The following TRHDE variants were observed in gnomAD, a reference collection of about 807,000 sequenced individuals.
TRHDE encodes thyrotropin-releasing hormone-degrading ectoenzyme.
TRHDE carries 72 observed loss-of-function variants against 125.7 expected under a neutral mutation model. The ratio of observed to expected loss-of-function variants is 0.57; its 90% CI spans 0.47 to 0.70. The LOEUF (loss-of-function observed/expected upper bound fraction) is 0.70. TRHDE is among the 30% of genes least tolerant of loss of function. TRHDE has a pLI of 0.00. For synonymous variants in TRHDE, 509 were observed against 509.1 expected, an observed-to-expected ratio of 1.00 and a Z score of 0.00; for missense variants, 1,110 against 1,327.1, an observed-to-expected ratio of 0.84 and a Z score of 2.54.
At chr12:72,489,201 TAA>T (rs1877546715) in intron 5 of TRHDE, among the ~76,000 whole-genome samples, 1 of 146,188 alleles carries the variant, frequency 6.8e-6, no homozygotes, top group Non-Finnish European at 1.5e-5. Context: ...AAAAAATCAA[TAA>T]GACTTAGAGA....
chr12:72,385,938 C>T (rs1022084635), intron 3 of TRHDE, among the ~76,000 whole-genome samples: 2 of 152,136 alleles, frequency 1.3e-5, no homozygotes, highest in Non-Finnish European at 2.9e-5. Context: ...TAATGCAATA[C>T]AAACCAACAT....
At chr12:72,242,698 C>T (rs1310694057) in intron 2 of TRHDE, among the ~76,000 whole-genome samples, 2 of 152,128 alleles carry the variant, frequency 1.3e-5, no homozygotes, top group African/African-American at 4.8e-5. Context: ...AAAAAGATAA[C>T]TCACTGCTGG....
chr12:72,652,028 T>G (rs1343207194), intron 15 of TRHDE, among the ~76,000 whole-genome samples: 3 of 152,002 alleles, frequency 2.0e-5, no homozygotes, highest in African/African-American at 7.2e-5. Flanking sequence ...ATAAAGTGCC[T>G]TATTTTCATG....
chr12:72,229,727 C>T (rs114940700), intron 2 of TRHDE, among the ~76,000 whole-genome samples: 2,015 of 152,090 alleles, frequency 0.013, 46 homozygotes, highest in African/African-American at 0.046. Context: ...CTATTTATAC[C>T]GATACATAGC....
At chr12:72,255,043 A>G (rs569005204) in intron 2 of TRHDE, 8 of 152,362 alleles carry the variant, frequency 5.3e-5, no homozygotes, top group African/African-American at 1.7e-4. Context: ...GAGACTGTTC[A>G]TGTGAAGGTC....
At chr12:72,657,974 C>T (rs1874772989) in intron 18 of TRHDE, among the ~76,000 whole-genome samples, 1 of 152,122 alleles carries the variant, frequency 6.6e-6, no homozygotes, top group Non-Finnish European at 1.5e-5. Context: ...GAGCACCATT[C>T]CCTAGAAGCA....
At chr12:72,626,912 C>A (rs372353963) in intron 15 of TRHDE, among the ~76,000 whole-genome samples, 1 of 151,836 alleles carries the variant, frequency 6.6e-6, no homozygotes, top group East Asian at 1.9e-4. Flanking sequence ...TTGGTGTGGT[C>A]CTATTTCCTC....
chr12:72,403,365 A>G (rs1469566516), intron 3 of TRHDE, among the ~76,000 whole-genome samples: 1 of 152,168 alleles, frequency 6.6e-6, no homozygotes, highest in Non-Finnish European at 1.5e-5. Flanking sequence ...AATCAGACTA[A>G]ATTATTTTGT....
chr12:72,166,850 C>G (rs1436070799), intron 2 of TRHDE, among the ~76,000 whole-genome samples: 1 of 151,386 alleles, frequency 6.6e-6, no homozygotes, highest in Non-Finnish European at 1.5e-5. Flanking sequence ...GCAGAACATA[C>G]AGTGATAAAT....
At chr12:72,594,437 C>T (rs573475447) in intron 12 of TRHDE, among the ~76,000 whole-genome samples, 8 of 150,856 alleles carry the variant, frequency 5.3e-5, no homozygotes, top group East Asian at 2.0e-4. Context: ...AGGCTGGTCT[C>T]GAACTCCCGG....
intron 2 of TRHDE, among the ~76,000 whole-genome samples, chr12:72,150,656 T>G (rs1332586622): frequency 6.6e-6 from 1 of 150,998 alleles, no homozygotes; most frequent in Non-Finnish European, 1.5e-5. Flanking sequence ...GTGTTTGGTT[T>G]TTTGTCCTTG....
upstream of TRHDE, among the ~76,000 whole-genome samples, chr12:72,270,170 G>A (rs1487522176): frequency 1.3e-5 from 2 of 152,150 alleles, no homozygotes; most frequent in African/African-American, 4.8e-5. Flanking sequence ...AATGCATACA[G>A]CCAGATACAT....
chr12:72,516,079 A>T (rs967390770), intron 6 of TRHDE, among the ~76,000 whole-genome samples: 2 of 151,864 alleles, frequency 1.3e-5, no homozygotes, highest in Non-Finnish European at 2.9e-5. Context: ...AGGTAGCGTG[A>T]TGCCTCCAGC....
intron 1 of TRHDE, among the ~76,000 whole-genome samples, chr12:72,092,551 C>T (rs1412730878): frequency 1.3e-5 from 2 of 152,248 alleles, no homozygotes; most frequent in East Asian, 3.9e-4. Context: ...GAAGCAAAAG[C>T]GACTATAGCA....
intron 2 of TRHDE, among the ~76,000 whole-genome samples, chr12:72,178,620 TATC>T (rs752344293): frequency 6.6e-6 from 1 of 152,094 alleles, no homozygotes; most frequent in East Asian, 1.9e-4. Context: ...TAGAGGTAGT[TATC>T]ATGCTGAGTG....
At chr12:72,213,554 G>C (rs1436714071) in intron 2 of TRHDE, among the ~76,000 whole-genome samples, 1 of 152,078 alleles carries the variant, frequency 6.6e-6, no homozygotes, top group East Asian at 1.9e-4. Context: ...AGCTAGAACA[G>C]GGATATTAAA....
intron 1 of TRHDE, among the ~76,000 whole-genome samples, chr12:72,092,272 G>A (rs935983700): frequency 1.3e-5 from 2 of 152,174 alleles, no homozygotes; most frequent in African/African-American, 4.8e-5. Flanking sequence ...GGTTCAAAAT[G>A]TTTTTGAATT....
intron 2 of TRHDE, among the ~76,000 whole-genome samples, chr12:72,301,542 CAGTT>C (rs1383962783): frequency 3.3e-5 from 5 of 152,148 alleles, no homozygotes; most frequent in East Asian, 1.9e-4. Flanking sequence ...TGAACAGAGA[CAGTT>C]AGTGGAAATA....
chr12:72,419,213 G>A lies in TRHDE; in HGVS notation c.1315+41092G>A, dbSNP rs1013620156. Among the ~76,000 whole-genome samples, 4 of 152,122 alleles carry A rather than the reference G, an allele frequency of 2.6e-5. No individual in the cohort carries two copies. The East Asian group carries it at 7.7e-4, about 29-fold the overall frequency. ...ACTAAATTCTGATAGTATAATTGGT[G>A]TTTAAAGAAACTGGTCTATTTATCC... is the stretch of plus-strand genomic sequence containing the variant. On this transcript the variant is annotated intron_variant, in intron 3 of 18. Coordinates refer to ENST00000261180, the MANE Select transcript of TRHDE (RefSeq NM_013381.3).
Sources: gnomAD v4.1 joint callset for allele counts (sites outside exome capture counted in the v4.1 genomes callset) on GRCh38, gnomAD v4.1.1 for gene constraint, MANE v1.5 for transcripts, NCBI Gene and HGNC (gene_info 2026-07-23, HGNC 2026-07-21) for gene names.